The following AGMO variants were observed in gnomAD, a reference collection of about 807,000 sequenced individuals.
The protein encoded by AGMO is alkylglycerol monooxygenase.
AGMO carries 75 observed loss-of-function variants against 60.2 expected under a neutral mutation model. The observed-to-expected ratio is 1.25, with a 90% confidence interval of 1.03 to 1.51. AGMO has a LOEUF of 1.51. Ranked by LOEUF, AGMO falls within the 40% of genes most tolerant of loss-of-function variation. The pLI is 0.00. For missense variants in AGMO, 763 were observed against 525.5 expected, an observed-to-expected ratio of 1.45 and a Z score of -4.42; for synonymous variants, 261 against 177.1, an observed-to-expected ratio of 1.47 and a Z score of -3.76.
intron 3 of AGMO, among the ~76,000 whole-genome samples, chr7:15,515,085 G>T (rs1783774658): frequency 6.6e-6 from 1 of 152,172 alleles, no homozygotes; most frequent in East Asian, 1.9e-4. Flanking sequence ...AAACCCTAGA[G>T]AAGTAGCTCA....
At chr7:15,318,195 G>A (rs113291737) in intron 12 of AGMO, among the ~76,000 whole-genome samples, 312 of 151,688 alleles carry the variant, frequency 2.1e-3, no homozygotes, top group African/African-American at 6.8e-3. Context: ...TAGTAGAGAC[G>A]GGTTTCACTG....
the AGMO span, among the ~76,000 whole-genome samples, chr7:15,171,211 G>C: frequency 7.2e-4 from 110 of 152,236 alleles, no homozygotes; most frequent in African/African-American, 2.4e-3. Context: ...TGGATCTCCT[G>C]ACCTCGTGAT....
intron 12 of AGMO, among the ~76,000 whole-genome samples, chr7:15,364,855 G>A (rs529192047): frequency 3.3e-5 from 5 of 152,190 alleles, no homozygotes; most frequent in South Asian, 2.1e-4. Flanking sequence ...GTTGGCAGGT[G>A]TCTTGGCACC....
intron 5 of AGMO, chr7:15,396,207 G>C (rs554743213): frequency 2.6e-5 from 4 of 152,480 alleles, no homozygotes; most frequent in Admixed American, 6.5e-5. Context: ...TCTTGGCCTC[G>C]CTGACTTCAA....
chr7:15,222,091 G>A (rs528168455), intron 12 of AGMO, among the ~76,000 whole-genome samples: 1 of 152,134 alleles, frequency 6.6e-6, no homozygotes, highest in Non-Finnish European at 1.5e-5. Flanking sequence ...GCTATTATTG[G>A]AGGATAAAGC....
At chr7:15,448,593 A>C (rs1224479749) in intron 3 of AGMO, among the ~76,000 whole-genome samples, 1 of 147,360 alleles carries the variant, frequency 6.8e-6, no homozygotes, top group Admixed American at 6.8e-5. Context: ...GCAATGACTG[A>C]TTTCTCCATA....
downstream of AGMO, among the ~76,000 whole-genome samples, chr7:15,198,041 A>G (rs1329427139): frequency 1.3e-5 from 2 of 152,214 alleles, no homozygotes; most frequent in East Asian, 3.9e-4. Context: ...AATAATACTA[A>G]TAGAGGACTA....
At chr7:15,147,355 C>T in the AGMO span, among the ~76,000 whole-genome samples, 1 of 152,154 alleles carries the variant, frequency 6.6e-6, no homozygotes, top group African/African-American at 2.4e-5. Context: ...AGAGGCCTCA[C>T]AATCATGGCG....
the AGMO span, among the ~76,000 whole-genome samples, chr7:15,168,477 AATT>A: frequency 6.6e-6 from 1 of 152,226 alleles, no homozygotes; most frequent in East Asian, 1.9e-4. Flanking sequence ...GTGCTGCCCA[AATT>A]ATTACCATGC....
At chr7:15,228,589 G>C (rs1409504523) in intron 12 of AGMO, among the ~76,000 whole-genome samples, 1 of 152,054 alleles carries the variant, frequency 6.6e-6, no homozygotes, top group East Asian at 1.9e-4. Context: ...ACAGAAAAGT[G>C]AAAGAGCAAG....
At chr7:15,198,309 G>A (rs79926920), downstream of AGMO, among the ~76,000 whole-genome samples, 1,140 of 146,460 alleles carry the variant, frequency 7.8e-3, 20 homozygotes, top group African/African-American at 0.024. Flanking sequence ...TACATTACAT[G>A]GTATCACTCA....
chr7:15,441,398 T>C (rs1367632833), intron 3 of AGMO, among the ~76,000 whole-genome samples: 1 of 152,248 alleles, frequency 6.6e-6, no homozygotes, highest in Admixed American at 6.5e-5. Context: ...ACTTTGTTCC[T>C]GGTTGTCAGC....
chr7:15,463,824 T>C (rs1583578630), intron 3 of AGMO, among the ~76,000 whole-genome samples: 1 of 152,228 alleles, frequency 6.6e-6, no homozygotes, highest in African/African-American at 2.4e-5. Flanking sequence ...TTGGTTGTAG[T>C]ACTGCTATGA....
intron 3 of AGMO, among the ~76,000 whole-genome samples, chr7:15,525,290 C>T (rs930330786): frequency 2.0e-5 from 3 of 149,506 alleles, no homozygotes; most frequent in African/African-American, 7.7e-5. Context: ...GCCTGAAAAA[C>T]CAAGTCACAA....
intron 12 of AGMO, among the ~76,000 whole-genome samples, chr7:15,264,882 G>A (rs10265349): frequency 0.1 from 15,429 of 151,894 alleles, 2,569 homozygotes; most frequent in African/African-American, 0.35. Context: ...GACATTTCTC[G>A]AAGAACTCAA....
intron 3 of AGMO, among the ~76,000 whole-genome samples, chr7:15,506,521 T>C (rs1183845143): frequency 6.6e-6 from 1 of 152,110 alleles, no homozygotes; most frequent in Non-Finnish European, 1.5e-5. Flanking sequence ...CTATTCCTCA[T>C]ACTATATGTG....
intron 10 of AGMO, among the ~76,000 whole-genome samples, chr7:15,377,178 T>C (rs986815776): frequency 3.3e-5 from 5 of 152,060 alleles, no homozygotes; most frequent in Admixed American, 1.3e-4. Context: ...AAAGGCACTA[T>C]AGAATTTTGC....
chr7:15,377,051 C>G (rs1316496546), intron 10 of AGMO, among the ~76,000 whole-genome samples: 1 of 152,006 alleles, frequency 6.6e-6, no homozygotes, highest in Non-Finnish European at 1.5e-5. Context: ...AGCAGGGTCC[C>G]CAATTACAAG....
At position 15,291,749 on chromosome 7, in the gene AGMO, G is replaced by T. The variant is rs564695093; in HGVS notation, c.1263+73765C>A. Among the ~76,000 whole-genome samples the T allele has an allele frequency of 2.9e-4, 44 of 152,250 alleles. No individual in the cohort carries two copies. The East Asian group carries it at 8.3e-3, about 29-fold the overall frequency. ...CAGAAGATGAACATATAAATGCATC[G>T]TAGAAACATCAGGGGACAAATGCCA... On this transcript the variant is annotated intron_variant, in intron 12 of 12. Coordinates refer to ENST00000342526, the MANE Select transcript of AGMO (RefSeq NM_001004320.2).
Sources: allele counts gnomAD v4.1 joint callset (sites outside exome capture counted in the v4.1 genomes callset), GRCh38; gene constraint gnomAD v4.1.1; transcripts MANE v1.5; gene names NCBI Gene and HGNC (gene_info 2026-07-23, HGNC 2026-07-21).